Variants in TECTA observed in about 807,000 individuals in gnomAD.
TECTA encodes alpha-tectorin.
In TECTA, 128 loss-of-function variants were observed where a neutral mutation model predicts 216.8. The observed-to-expected ratio is 0.59, with a 90% CI of 0.51 to 0.68. TECTA has a LOEUF of 0.68. TECTA is among the 30% of genes least tolerant of loss of function. The pLI is 0.00. For synonymous variants in TECTA, 1,089 were observed against 1,117.1 expected, an observed-to-expected ratio of 0.97 and a Z score of 0.50; for missense variants, 2,551 against 2,786.2, an observed-to-expected ratio of 0.92 and a Z score of 1.90.
intron 22 of TECTA, 121 bp downstream of exon 22, chr11:121,189,288 T>G: frequency 2.2e-6 from 2 of 896,942 alleles, no homozygotes; most frequent in Non-Finnish European, 3.7e-6. Flanking sequence ...GGACACCGGT[T>G]TGAGAACATC....
rs570645415 is a variant in TECTA at position 121,127,203 on chromosome 11, C to T, written c.1775-549C>T. On this transcript the variant is annotated intron_variant, in intron 8 of 23. Transcript: ENST00000392793. The surrounding 1 kb of genome is among the most constrained non-coding windows in gnomAD (Gnocchi z 5.0). ...TTGAATTCTTTGGAGGTAGCCAGGG[C>T]GCTTTCTTATTTTTAATATCCCAGG... 7.9e-5 allele frequency among the ~76,000 whole-genome samples: 12 copies of T among 152,314 alleles called. No individual in the cohort carries two copies. The highest frequency in any genetic ancestry group is 5.2e-4 in the Admixed American group (8 of 15,302).
At chr11:121,148,484 T>G (rs1354948982) in intron 12 of TECTA, among the ~76,000 whole-genome samples, 1 of 152,192 alleles carries the variant, frequency 6.6e-6, no homozygotes, top group East Asian at 1.9e-4. Context: ...TTTTACATTT[T>G]GAATCTCAGA....
intron 20 of TECTA, among the ~76,000 whole-genome samples, chr11:121,177,784 G>T (rs571469854): frequency 6.6e-6 from 1 of 152,348 alleles, no homozygotes; most frequent in East Asian, 1.9e-4. Flanking sequence ...CCCAGAGGTG[G>T]AGCCTACAGA....
chr11:121,158,074 G>C lies in TECTA; in HGVS notation c.4539G>C (p.Leu1513=). The change falls in exon 14 of 24, where the codon CTG becomes CTC. Residue 1513 remains leucine (L), a synonymous_variant. Transcript: ENST00000392793. ...TCCCAGCCAACTGCGCCTTCGTGCT[G>C]TCCACCATCTGCCAGAAACTGCCCG... is the stretch of plus-strand genomic sequence containing the variant. The part of the protein sequence containing the change: ...LRFPANCAFV[L]STICQKLPDI... 1 of 1,613,970 alleles carries C rather than the reference G, an allele frequency of 6.2e-7. No individual in the cohort carries two copies. The highest frequency in any genetic ancestry group is 8.5e-7 in the Non-Finnish European group (1 of 1,180,026).
At chr11:121,179,992 C>G (rs1305510687) in intron 20 of TECTA, among the ~76,000 whole-genome samples, 1 of 140,554 alleles carries the variant, frequency 7.1e-6, no homozygotes, top group Non-Finnish European at 1.5e-5. Flanking sequence ...TTTTTTTTAG[C>G]TGTTCAACCA....
chr11:121,168,700 C>A lies in TECTA; in HGVS notation c.5774C>A (p.Thr1925Asn). The change falls in exon 20 of 24, where the codon ACC becomes AAC. Residue 1925 changes from threonine to asparagine, a missense_variant. Transcript: ENST00000392793. ...MLSVINLTVP[T>N]QEGSFITKMA... is the part of the protein sequence containing the mutation. ...AGTGTAATTAACCTGACAGTTCCAA[C>A]CCAAGAAGGCAGCTTCATCACCAAG... 6.2e-7 allele frequency: 1 copy of A among 1,614,178 alleles called. No homozygotes were observed. The highest frequency in any genetic ancestry group is 8.5e-7 in the Non-Finnish European group (1 of 1,180,022).
At chr11:121,151,047 T>C (rs1946885152) in intron 12 of TECTA, among the ~76,000 whole-genome samples, 1 of 152,172 alleles carries the variant, frequency 6.6e-6, no homozygotes, top group Non-Finnish European at 1.5e-5. Flanking sequence ...AAAAAAGACA[T>C]ATAAATGGAT....
chr11:121,108,514 G>GTACACACACACTCCAATA (rs1481108626), intron 3 of TECTA, among the ~76,000 whole-genome samples: 1 of 134,770 alleles, frequency 7.4e-6, no homozygotes, highest in Non-Finnish European at 1.6e-5. Flanking sequence ...GCCCACCCCA[G>GTACACACACACTCCAATA]TACACACACA....
At chr11:121,151,826 G>A (rs1434960017) in intron 12 of TECTA, among the ~76,000 whole-genome samples, 2 of 152,204 alleles carry the variant, frequency 1.3e-5, no homozygotes, top group Non-Finnish European at 2.9e-5. Context: ...CCCCCATATA[G>A]ATACTGTATA....
chr11:121,108,757 C>T (rs1189688353), intron 3 of TECTA, among the ~76,000 whole-genome samples: 2 of 148,652 alleles, frequency 1.3e-5, no homozygotes, highest in Non-Finnish European at 3.0e-5. Context: ...CACCCCAGTA[C>T]ACACACACAC....
intron 20 of TECTA, among the ~76,000 whole-genome samples, chr11:121,178,226 C>A (rs897906081): frequency 2.0e-5 from 3 of 152,204 alleles, no homozygotes; most frequent in African/African-American, 7.2e-5. Context: ...GTGAGATGAA[C>A]CCAGTACCTC....
In TECTA at chr11:121,166,759, G is replaced by A. The variant is rs759680780; in HGVS notation, c.5565G>A (p.Gly1855=). Residue 1855 remains glycine (G), a synonymous_variant, in exon 18 of 24, where the codon GGG becomes GGA. Transcript: ENST00000392793. ...CCTTTCAGATCAACAACACCAAAGG[G>A]AATTGTGGAAACATTGTGCAGGTGA... ...FISFQINNTK[G]NCGNIVQSNG... The A allele has an allele frequency of 1.3e-5, 21 of 1,613,992 alleles. No individual in the cohort carries two copies. In the Admixed American group the frequency reaches 3.3e-4, roughly 26 times the overall value.
intron 18 of TECTA, among the ~76,000 whole-genome samples, chr11:121,167,637 C>T (rs748603889): frequency 6.6e-6 from 1 of 152,156 alleles, no homozygotes; most frequent in Non-Finnish European, 1.5e-5. Flanking sequence ...GAAACTTGCA[C>T]TTGTTCATGT....
At chr11:121,162,535 G>A (rs898394946) in intron 16 of TECTA, among the ~76,000 whole-genome samples, 165 bp downstream of exon 16, 1 of 152,358 alleles carries the variant, frequency 6.6e-6, no homozygotes, top group African/African-American at 2.4e-5. Flanking sequence ...GAGATTCAGT[G>A]ACGGGCCCCT....
chr11:121,107,796 T>C (rs1946404686), intron 3 of TECTA, among the ~76,000 whole-genome samples: 1 of 152,252 alleles, frequency 6.6e-6, no homozygotes, highest in African/African-American at 2.4e-5. Context: ...TAAGGTTTCC[T>C]ATTTAATTGG....
At chr11:121,102,838 A>G in intron 2 of TECTA, 109 bp downstream of exon 2, 3 of 885,836 alleles carry the variant, frequency 3.4e-6, no homozygotes, top group Non-Finnish European at 5.6e-6. Context: ...GTGTGTCTAC[A>G]GATACAAGAG....
In TECTA at chr11:121,137,628, CCTT is replaced by C. The variant is rs1379234706; in HGVS notation, c.3152_3154del (p.Phe1051del). 3 of 1,614,002 alleles carry C rather than the reference CCTT, an allele frequency of 1.9e-6. No individual in the cohort carries two copies. The highest frequency in any genetic ancestry group is 1.7e-6 in the Non-Finnish European group (2 of 1,180,014). On this transcript the variant is annotated inframe_deletion, in exon 11 of 24. Coordinates refer to ENST00000392793, the MANE Select transcript of TECTA (RefSeq NM_005422.4). ...GGGCACCAACTTGCCACCAATGAGA[CCTT>C]CTGGGTGGACCTGGACTGCCAGATC...
intron 11 of TECTA, chr11:121,140,815 T>A (rs993979157): frequency 6.6e-6 from 1 of 152,288 alleles, no homozygotes; most frequent in African/African-American, 2.4e-5. Context: ...TCCTTTTAAG[T>A]ACACCGTTCA....
chr11:121,110,058 G>A, intron 4 of TECTA: 1 of 156,988 alleles, frequency 6.4e-6, no homozygotes, highest in Non-Finnish European at 1.4e-5. Flanking sequence ...AATTAGAGTG[G>A]GCAGTGAAAG....
Sources: gnomAD v4.1 joint callset for allele counts (sites outside exome capture counted in the v4.1 genomes callset) on GRCh38, gnomAD v4.1.1 for gene constraint, Gnocchi (gnomAD v3.1) non-coding constraint, MANE v1.5 for transcripts, NCBI Gene and HGNC (gene_info 2026-07-23, HGNC 2026-07-21) for gene names.